SIRPD: variants seen among roughly 807,000 people sequenced by gnomAD.
SIRPD encodes the protein signal regulatory protein delta, also known as signal-regulatory protein delta.
Under a neutral mutation model 18.0 loss-of-function variants are expected in SIRPD, and 21 were observed. That is an observed-to-expected ratio of 1.17 (90% CI 0.83 to 1.68). The LOEUF is 1.68. Ranked by LOEUF, SIRPD falls within the 40% of genes most tolerant of loss-of-function variation. SIRPD has a pLI of 0.00. For missense variants in SIRPD, 295 were observed against 238.4 expected (o/e 1.24, Z -1.56); for synonymous variants, 106 against 92.9 (o/e 1.14, Z -0.81).
At chr20:1,540,688 C>G (rs62186919) in intron 2 of SIRPD, among the ~76,000 whole-genome samples, 8,522 of 152,050 alleles carry the variant, frequency 0.056, 276 homozygotes, top group Non-Finnish European at 0.075. Flanking sequence ...TGTGCAGAAC[C>G]TGCAGGTTTG....
chr20:1,554,307 A>T (rs1310066257), intron 1 of SIRPD: 1 of 152,594 alleles, frequency 6.6e-6, no homozygotes, highest in African/African-American at 2.4e-5. Flanking sequence ...GGAAATAAAC[A>T]TGGAATCATC....
Position 1,557,596 on chromosome 20 carries a change from G to A in SIRPD, c.58C>T (p.Leu20=). 2 of 1,585,408 alleles carry A rather than the reference G, an allele frequency of 1.3e-6. No homozygotes were observed. The highest frequency in any genetic ancestry group is 1.7e-6 in the Non-Finnish European group (2 of 1,165,738). The part of the protein sequence containing the change: ...PPLPSLLLYL[L]LELAGVTHVF... ...CCCCACTCACCTGCCAGTTCAAGCA[G>A]CAGATACAGCAGTAAGGAAGGCAGA... is the stretch of plus-strand genomic sequence containing the variant. Residue 20 remains leucine (L), a synonymous_variant, in exon 1 of 4, where the codon CTG becomes TTG. Coordinates refer to ENST00000381623, the MANE Select transcript of SIRPD (RefSeq NM_178460.3).
intron 1 of SIRPD, among the ~76,000 whole-genome samples, chr20:1,555,996 C>G (rs1052410997): frequency 6.6e-6 from 1 of 152,140 alleles, no homozygotes; most frequent in African/African-American, 2.4e-5. Flanking sequence ...AGGACTGAGG[C>G]CCTCAACTTC....
At chr20:1,552,498 T>C (rs967343000) in intron 1 of SIRPD, among the ~76,000 whole-genome samples, 3 of 152,160 alleles carry the variant, frequency 2.0e-5, no homozygotes, top group African/African-American at 7.2e-5. Flanking sequence ...AAATTCATGC[T>C]GAGAGATGCA....
intron 1 of SIRPD, among the ~76,000 whole-genome samples, chr20:1,556,419 C>T (rs1015389785): frequency 3.3e-5 from 5 of 152,144 alleles, no homozygotes; most frequent in African/African-American, 1.2e-4. Context: ...GATATAAATG[C>T]AGTACATAAA....
rs189806751 is a variant in SIRPD at position 1,537,433 on chromosome 20, G to A, written c.422-123C>T. 3.4e-6 allele frequency: 4 copies of A among 1,165,462 alleles called. No homozygotes were observed. The Admixed American group carries it at 7.1e-5, about 21-fold the overall frequency. The allele number at this position is 1,165,462 out of a possible 1,614,324, so 72.2% of individuals were successfully genotyped here. A position where few individuals can be genotyped will look rare whatever the true frequency, so the allele number is the denominator to read the frequency against. On this transcript the variant is annotated intron_variant, in intron 2 of 3. Coordinates refer to ENST00000381623, the MANE Select transcript of SIRPD (RefSeq NM_178460.3). ...ATTGTGAAATAGGAATCAGACACAAGCTAATAAGTTACTGATATAAGGGTC... is the reference window on the plus strand; with the variant it reads ...ATTGTGAAATAGGAATCAGACACAAACTAATAAGTTACTGATATAAGGGTC...
rs377454692 is a variant in SIRPD, at chr20:1,551,698, A to G, written c.414T>C (p.Phe138=). The G allele has an allele frequency of 1.2e-6, 2 of 1,611,894 alleles. No individual in the cohort carries two copies. The highest frequency in any genetic ancestry group is 1.3e-5 in the African/African-American group (1 of 75,002). The change falls in exon 2 of 4, where the codon TTT becomes TTC. Residue 138 remains phenylalanine, a synonymous_variant. Coordinates refer to ENST00000381623, the MANE Select transcript of SIRPD (RefSeq NM_178460.3). ...TATAGGAGACATACTCACCAGTAAC[A>G]AACACCTGAGTGCCCCGACCTGATT... The part of the protein sequence containing the change: ...EYQSGRGTQV[F]VTEQNPRPPK...
rs561939776 is a variant in SIRPD at position 1,551,760 on chromosome 20, C to G, written c.352G>C (p.Val118Leu). The G allele has an allele frequency of 6.2e-7, 1 of 1,614,064 alleles. No homozygotes were observed. The highest frequency in any genetic ancestry group is 1.1e-5 in the South Asian group (1 of 91,082). The change falls in exon 2 of 4, where the codon GTG becomes CTG. Residue 118 changes from valine (V) to leucine (L), a missense_variant. By Grantham distance (32) the Val-to-Leu change is conservative. Transcript: ENST00000381623. ...ATAGCTCTTCCTTTTATGAACTTCA[C>G]GCAGTAATAGGTGCCAGCATCAGCA... Reference protein sequence around the residue: ...SLADAGTYYCVKFIKGRAIKE... With the variant: ...SLADAGTYYCLKFIKGRAIKE...
At chr20:1,552,679 C>T (rs1334565647) in intron 1 of SIRPD, among the ~76,000 whole-genome samples, 1 of 152,126 alleles carries the variant, frequency 6.6e-6, no homozygotes, top group African/African-American at 2.4e-5. Flanking sequence ...CCACCCTTTA[C>T]CCTCCTACAC....
intron 2 of SIRPD, among the ~76,000 whole-genome samples, chr20:1,547,318 G>T (rs2090997807): frequency 6.6e-6 from 1 of 152,076 alleles, no homozygotes. Flanking sequence ...CAGATACATG[G>T]GCTTGTTTCT....
In SIRPD at chr20:1,534,583, G is replaced by T. The variant is rs941427784; in HGVS notation, c.578-142C>A. On this transcript the variant is annotated intron_variant, in intron 3 of 3. Transcript: ENST00000381623. ...TGTTGCTAAGGTTGTGGTGAGGCAG[G>T]CGCTCCCACATACTGCTGGTGGGAA... is the stretch of plus-strand genomic sequence containing the variant. 6 of 766,434 alleles carry T rather than the reference G, an allele frequency of 7.8e-6. No homozygotes were observed. In the African/African-American group the frequency reaches 1.1e-4, roughly 13 times the overall value. The allele number at this position is 766,434 out of a possible 1,614,324, so 47.5% of individuals were successfully genotyped here.
chr20:1,550,174 C>A (rs139778957), intron 2 of SIRPD, among the ~76,000 whole-genome samples: 18 of 152,316 alleles, frequency 1.2e-4, no homozygotes, highest in Non-Finnish European at 2.1e-4. Context: ...ACTTCCTCAT[C>A]TGATAAGGTA....
chr20:1,555,491 T>A (rs1208598918), intron 1 of SIRPD, among the ~76,000 whole-genome samples: 1 of 152,216 alleles, frequency 6.6e-6, no homozygotes, highest in East Asian at 1.9e-4. Flanking sequence ...TAAATGTTCT[T>A]ACCACAAAGA....
intron 3 of SIRPD, among the ~76,000 whole-genome samples, chr20:1,536,947 CAAG>C (rs1469539985): frequency 1.3e-4 from 20 of 152,258 alleles, no homozygotes; most frequent in African/African-American, 4.8e-4. Context: ...CCCCTCCAAG[CAAG>C]AAGAATTCTG....
At chr20:1,544,079 A>C (rs940533256) in intron 2 of SIRPD, among the ~76,000 whole-genome samples, 9 of 152,144 alleles carry the variant, frequency 5.9e-5, no homozygotes, top group African/African-American at 2.2e-4. Context: ...AGAAGAATGT[A>C]TATTCTGTTG....
chr20:1,554,669 C>T (rs1268050478), intron 1 of SIRPD, among the ~76,000 whole-genome samples: 2 of 152,048 alleles, frequency 1.3e-5, no homozygotes, highest in East Asian at 3.9e-4. Flanking sequence ...AAGCTAAGGA[C>T]AGTATGTTGA....
chr20:1,551,868 T>C lies in SIRPD; in HGVS notation c.244A>G (p.Asn82Asp). Residue 82 changes from asparagine (N) to aspartate (D), a missense_variant, in exon 2 of 4, where the codon AAC (asparagine) becomes GAC (aspartate). By Grantham distance (23) the Asn-to-Asp change is conservative. Transcript: ENST00000381623. ...CCAATCTCTTTTACTCTGGGAAAGT[T>C]ACCTTGTTTGAAATTGTAGATTAAT... Reference protein sequence around the residue: ...RKLIYNFKQGNFPRVKEIGDT... With the variant: ...RKLIYNFKQGDFPRVKEIGDT... The C allele has an allele frequency of 1.2e-6, 2 of 1,614,158 alleles. No homozygotes were observed. The highest frequency in any genetic ancestry group is 8.5e-7 in the Non-Finnish European group (1 of 1,180,000).
intron 3 of SIRPD, 67 bp downstream of exon 3, chr20:1,537,088 A>G (rs949791877): frequency 1.3e-6 from 2 of 1,565,328 alleles, no homozygotes; most frequent in Non-Finnish European, 1.7e-6. Flanking sequence ...CAGGTGGCGA[A>G]ATGGTACCGC....
chr20:1,537,370 G>C, intron 2 of SIRPD, 60 bp from the exon 3 acceptor site: 1 of 1,539,156 alleles, frequency 6.5e-7, no homozygotes, highest in Non-Finnish European at 8.9e-7. Context: ...TATGATGGGA[G>C]GAAAGGGCTG....
Sources: gnomAD v4.1 joint callset for allele counts (sites outside exome capture counted in the v4.1 genomes callset) on GRCh38, gnomAD v4.1.1 for gene constraint, MANE v1.5 for transcripts, NCBI Gene and HGNC (gene_info 2026-07-23, HGNC 2026-07-21) for gene names.